Variants in SLC17A1 observed in about 807,000 individuals in gnomAD.
SLC17A1 encodes solute carrier family 17 member 1.
Under a neutral mutation model 53.5 loss-of-function variants are expected in SLC17A1, and 51 were observed. The observed-to-expected ratio is 0.95, with a 90% confidence interval of 0.76 to 1.20. SLC17A1 has a LOEUF of 1.20. Among genes scored for constraint, SLC17A1 ranks in the 50% most tolerant of loss-of-function variants. The pLI, the probability that SLC17A1 is intolerant of heterozygous loss-of-function variation, is 0.00. For missense variants in SLC17A1, 538 were observed against 568.2 expected, an observed-to-expected ratio of 0.95 and a Z score of 0.54; for synonymous variants, 179 against 198.8, an observed-to-expected ratio of 0.90 and a Z score of 0.84.
intron 12 of SLC17A1, among the ~76,000 whole-genome samples, chr6:25,789,860 G>A (rs1471433488): frequency 6.6e-6 from 1 of 152,086 alleles, no homozygotes; most frequent in Non-Finnish European, 1.5e-5. Flanking sequence ...GATGAAATGT[G>A]AATGAGGTCC....
intron 3 of SLC17A1, among the ~76,000 whole-genome samples, chr6:25,826,210 T>C (rs1195911391): frequency 1.3e-5 from 2 of 152,142 alleles, no homozygotes; most frequent in Non-Finnish European, 2.9e-5. Flanking sequence ...AATTTCTTGA[T>C]TGTAAAGAAG....
At chr6:25,824,376 G>A (rs1198526593) in intron 3 of SLC17A1, among the ~76,000 whole-genome samples, 1 of 151,554 alleles carries the variant, frequency 6.6e-6, no homozygotes, top group Non-Finnish European at 1.5e-5. Flanking sequence ...AATAAACTAT[G>A]ATGCCCTTCA....
intron 3 of SLC17A1, among the ~76,000 whole-genome samples, chr6:25,825,712 C>T (rs1313751360): frequency 1.3e-5 from 2 of 151,920 alleles, no homozygotes; most frequent in African/African-American, 4.8e-5. Flanking sequence ...ATGGAAAGTT[C>T]TCAGCCAATT....
At chr6:25,762,881 A>G in the SLC17A1 span, among the ~76,000 whole-genome samples, 1 of 152,350 alleles carries the variant, frequency 6.6e-6, no homozygotes, top group Non-Finnish European at 1.5e-5. Flanking sequence ...CTACTAGACT[A>G]TACCATTGGC....
intron 10 of SLC17A1, among the ~76,000 whole-genome samples, chr6:25,803,394 A>G (rs1337034737): frequency 2.0e-5 from 3 of 151,994 alleles, no homozygotes; most frequent in Non-Finnish European, 2.9e-5. Flanking sequence ...TGTCTACCCC[A>G]AGGCCACTGC....
At chr6:25,752,942 ACTCCGT>A in the SLC17A1 span, among the ~76,000 whole-genome samples, 4 of 150,002 alleles carry the variant, frequency 2.7e-5, no homozygotes, top group Non-Finnish European at 4.4e-5. Flanking sequence ...ACAGTCTGAG[ACTCCGT>A]CTCAAAAAAA....
chr6:25,745,623 C>G, the SLC17A1 span, among the ~76,000 whole-genome samples: 2 of 152,214 alleles, frequency 1.3e-5, no homozygotes, highest in Non-Finnish European at 2.9e-5. Context: ...AAAACTTGCT[C>G]AGTCTTTGTG....
chr6:25,726,384 T>G, the SLC17A1 span: 2 of 1,614,038 alleles, frequency 1.2e-6, no homozygotes, highest in Admixed American at 1.7e-5. Context: ...AATACACTGG[T>G]GCGCCTGCCC....
At chr6:25,770,645 A>G in the SLC17A1 span, among the ~76,000 whole-genome samples, 1 of 152,238 alleles carries the variant, frequency 6.6e-6, no homozygotes, top group Non-Finnish European at 1.5e-5. Context: ...AATGCTTACT[A>G]TGTGCCAAAC....
the SLC17A1 span, chr6:25,761,938 C>T: frequency 6.3e-7 from 1 of 1,584,662 alleles, no homozygotes; most frequent in Non-Finnish European, 8.7e-7. Flanking sequence ...AAGTAAATGC[C>T]AGTCCCTAGG....
the SLC17A1 span, chr6:25,726,796 CTTGGAGCTGAGGTCAT>C: frequency 3.0e-6 from 4 of 1,335,998 alleles, no homozygotes; most frequent in East Asian, 2.3e-5. Flanking sequence ...CTTGGCGAGA[CTTGGAGCTGAGGTCAT>C]TTGGAGCTGT....
At chr6:25,831,508 T>C (rs1029994739) in intron 1 of SLC17A1, among the ~76,000 whole-genome samples, 2 of 152,074 alleles carry the variant, frequency 1.3e-5, no homozygotes, top group Non-Finnish European at 2.9e-5. Context: ...ATGCACCACA[T>C]ACATACATAC....
intron 12 of SLC17A1, among the ~76,000 whole-genome samples, chr6:25,789,825 C>T (rs561131262): frequency 2.8e-4 from 42 of 152,044 alleles, no homozygotes; most frequent in Middle Eastern, 3.4e-3. Context: ...ATCTTTTGGC[C>T]GAAAAGAATA....
the SLC17A1 span, chr6:25,726,770 C>A: frequency 8.4e-7 from 1 of 1,185,926 alleles, no homozygotes; most frequent in Non-Finnish European, 1.2e-6. Flanking sequence ...TTTCATCCTC[C>A]AGTTCTGTTT....
At chr6:25,819,033 GAAT>G in intron 6 of SLC17A1, 32 bp downstream of exon 6, 1 of 1,421,280 alleles carries the variant, frequency 7.0e-7, no homozygotes, top group Non-Finnish European at 9.6e-7. Flanking sequence ...TTTAGATTCT[GAAT>G]AATAACTAGG....
intron 12 of SLC17A1, among the ~76,000 whole-genome samples, chr6:25,794,172 G>T (rs1214734266): frequency 6.6e-6 from 1 of 152,154 alleles, no homozygotes; most frequent in Non-Finnish European, 1.5e-5. Flanking sequence ...GGACCTGAGT[G>T]GGAACCTGGG....
At chr6:25,758,077 C>T in the SLC17A1 span, among the ~76,000 whole-genome samples, 2 of 152,248 alleles carry the variant, frequency 1.3e-5, no homozygotes, top group South Asian at 2.1e-4. Context: ...GTGGTGTAGA[C>T]CTTTGCTGTG....
the SLC17A1 span, among the ~76,000 whole-genome samples, chr6:25,739,561 T>TTAA: frequency 1.3e-5 from 2 of 152,184 alleles, no homozygotes; most frequent in African/African-American, 4.8e-5. Context: ...GAGTGAATGT[T>TTAA]TAAACACACT....
rs1764165030 is a variant in SLC17A1 at position 25,811,714 on chromosome 6, T to C, written c.954A>G (p.Ala318=). 6.2e-7 allele frequency: 1 copy of C among 1,613,712 alleles called. No individual in the cohort carries two copies. Among genetic ancestry groups the C allele is most frequent in the Admixed American group, 1.7e-5 (1 of 59,990 alleles). The change falls in exon 9 of 13, where the codon GCA becomes GCG. Residue 318 remains alanine (A), a synonymous_variant. Coordinates refer to ENST00000244527, the MANE Select transcript of SLC17A1 (RefSeq NM_005074.5). ...TCAGGAAGAAGTCTGATAACTGACC[T>C]GCTAGGTTACCACAGATCCAGGCAA... ...YLFAWICGNL[A]GQLSDFFLTR...
Sources: gnomAD v4.1 joint callset for allele counts (sites outside exome capture counted in the v4.1 genomes callset) on GRCh38, gnomAD v4.1.1 for gene constraint, MANE v1.5 for transcripts, NCBI Gene and HGNC (gene_info 2026-07-23, HGNC 2026-07-21) for gene names.